DNAH3: variants seen among roughly 807,000 people sequenced by gnomAD.
The protein encoded by DNAH3 is axonemal beta dynein heavy chain 3.
Under a neutral mutation model 432.5 loss-of-function variants are expected in DNAH3, and 332 were observed. The ratio of observed to expected loss-of-function variants is 0.77; its 90% CI spans 0.70 to 0.84. The LOEUF is 0.84. Among genes scored for constraint, DNAH3 ranks in the 40% least tolerant of loss-of-function variants. The pLI, the probability that DNAH3 is intolerant of heterozygous loss-of-function variation, is 0.00. For missense variants in DNAH3, 4,861 were observed against 5,114.0 expected, an observed-to-expected ratio of 0.95 and a Z score of 1.51; for synonymous variants, 1,956 against 1,900.2, an observed-to-expected ratio of 1.03 and a Z score of -0.76.
intron 40 of DNAH3, among the ~76,000 whole-genome samples, chr16:21,020,959 A>G (rs2088185829): frequency 6.6e-6 from 1 of 152,108 alleles, no homozygotes; most frequent in African/African-American, 2.4e-5. Flanking sequence ...TGGCTACTCT[A>G]TGTACATTAA....
intron 7 of DNAH3, among the ~76,000 whole-genome samples, chr16:21,132,848 T>C (rs2092585991): frequency 3.9e-5 from 6 of 152,158 alleles, no homozygotes; most frequent in Admixed American, 3.3e-4. Flanking sequence ...TATTAAAAAC[T>C]TGCATTGTGT....
chr16:20,935,277 T>G, intron 61 of DNAH3, 71 bp downstream of exon 61: 1 of 1,580,062 alleles, frequency 6.3e-7, no homozygotes, highest in East Asian at 2.2e-5. Flanking sequence ...ATTTTTTGAC[T>G]CATAAGGAAA....
rs780803247 is a variant in DNAH3, at chr16:21,051,902, G to A, written c.4040-34C>T. On this transcript the variant is annotated intron_variant, in intron 28 of 61. Transcript: ENST00000261383. ...ACACAGATGCAGAAACACGCACACA[G>A]AGCCATCAGAACTCTCCATCTTTGT... 1.1e-5 allele frequency: 17 copies of A among 1,588,160 alleles called. No individual in the cohort carries two copies. The African/African-American group carries it at 1.3e-4, about 13-fold the overall frequency.
chr16:21,145,582 G>T (rs1359419572), intron 2 of DNAH3, among the ~76,000 whole-genome samples, 176 bp from the exon 4 acceptor site: 1 of 152,210 alleles, frequency 6.6e-6, no homozygotes, highest in Non-Finnish European at 1.5e-5. Flanking sequence ...TCTGACCATT[G>T]TAAGCATGAA....
At chr16:21,063,467 A>C (rs940265560) in intron 24 of DNAH3, among the ~76,000 whole-genome samples, 6 of 148,950 alleles carry the variant, frequency 4.0e-5, no homozygotes, top group African/African-American at 1.5e-4. Context: ...CCTTTTATTT[A>C]TTTTATTTAT....
intron 7 of DNAH3, among the ~76,000 whole-genome samples, chr16:21,131,671 G>C (rs998269718): frequency 6.6e-6 from 1 of 151,728 alleles, no homozygotes; most frequent in East Asian, 1.9e-4. Context: ...CCAACATGGA[G>C]AAACCCTGTC....
rs371325962 is a variant in DNAH3, at chr16:21,093,926, G to C, written c.2665+3429C>G. Among the ~76,000 whole-genome samples, 17 of 152,174 alleles carry C rather than the reference G, an allele frequency of 1.1e-4. 2 individuals carry two copies. Among genetic ancestry groups the C allele is most frequent in the Admixed American group, 4.6e-4 (7 of 15,276 alleles). ...AAAATTAACTCAAAATGGACCATAG[G>C]TCTAAATGTAAAACATAAAACCACA... is the stretch of plus-strand genomic sequence containing the variant. On this transcript the variant is annotated intron_variant, in intron 18 of 61. Coordinates refer to ENST00000261383, the Ensembl canonical transcript of DNAH3.
chr16:21,127,842 G>A (rs2092473851), intron 7 of DNAH3, 30 bp from the exon 9 acceptor site: 18 of 1,613,044 alleles, frequency 1.1e-5, no homozygotes, highest in Non-Finnish European at 1.5e-5. Context: ...AATTTCCTAA[G>A]CTAAAGAACG....
At chr16:21,124,929 C>T (rs548590099) in intron 9 of DNAH3, among the ~76,000 whole-genome samples, 44 of 152,192 alleles carry the variant, frequency 2.9e-4, no homozygotes, top group Non-Finnish European at 4.3e-4. Flanking sequence ...AGATTACAGA[C>T]GTGGCCTGTA....
In DNAH3 at chr16:21,052,061, G is replaced by A. The variant is rs567303307; in HGVS notation, c.4040-193C>T. On this transcript the variant is annotated intron_variant, in intron 28 of 61. Coordinates refer to ENST00000261383, the Ensembl canonical transcript of DNAH3. ...TTCTGGAGTGCAATGGCGCGATCTC[G>A]GCTCATTGCAACCTCTGCCTCCTGG... 4.5e-4 allele frequency among the ~76,000 whole-genome samples: 69 copies of A among 152,054 alleles called. 1 individual carries two copies. The highest frequency in any genetic ancestry group is 6.8e-3 in the Middle Eastern group (2 of 294).
intron 29 of DNAH3, 78 bp from the exon 30 acceptor site, chr16:21,050,096 T>A: frequency 9.3e-7 from 1 of 1,077,644 alleles, no homozygotes; most frequent in Non-Finnish European, 1.4e-6. Flanking sequence ...TTATTTTGAC[T>A]CATACAAATA....
intron 41 of DNAH3, among the ~76,000 whole-genome samples, chr16:21,009,374 G>A (rs1379377089): frequency 6.6e-6 from 1 of 152,182 alleles, no homozygotes; most frequent in Non-Finnish European, 1.5e-5. Context: ...GACAAGCAAG[G>A]AAACGGATTT....
intron 44 of DNAH3, among the ~76,000 whole-genome samples, chr16:20,992,514 T>A (rs559197604): frequency 1.3e-5 from 2 of 152,070 alleles, no homozygotes; most frequent in African/African-American, 4.8e-5. Context: ...CCCGGCTAAT[T>A]TTTTTGTATT....
chr16:20,963,626 A>C, exon 53 of DNAH3: 1 of 1,614,030 alleles, frequency 6.2e-7, no homozygotes. Context: ...ATCTCTGCCC[A>C]TGCCTTCTCA....
chr16:20,975,397 C>A lies in DNAH3; in HGVS notation c.8095G>T (p.Glu2699Ter). ...AGTTGAGGTTGAAGAGCTGTCAGTTCTCTTTGCATAACCGCTACCTAGCAA... is the reference window on the plus strand; with the variant it reads ...AGTTGAGGTTGAAGAGCTGTCAGTTATCTTTGCATAACCGCTACCTAGCAA... Residue 2699 changes from glutamate (E) to a stop codon, truncating the protein, a stop_gained, in exon 51 of 62, where the codon GAA (glutamate) becomes TAA (stop). Transcript: ENST00000261383. LOFTEE classifies it high-confidence loss of function. The A allele has an allele frequency of 6.2e-7, 1 of 1,614,098 alleles. No homozygotes were observed. The highest frequency in any genetic ancestry group is 8.5e-7 in the Non-Finnish European group (1 of 1,180,014).
intron 15 of DNAH3, among the ~76,000 whole-genome samples, chr16:21,105,005 G>T (rs959404448): frequency 1.3e-5 from 2 of 152,100 alleles, no homozygotes; most frequent in Non-Finnish European, 2.9e-5. Flanking sequence ...TCTGCATGTC[G>T]GTTTCCCTTT....
intron 11 of DNAH3, chr16:21,120,694 T>C: frequency 7.0e-7 from 1 of 1,427,558 alleles, no homozygotes; most frequent in South Asian, 1.1e-5. Context: ...ACAAACCATG[T>C]CTTCTTGGCA....
At chr16:21,114,919 G>A (rs1265270768) in intron 12 of DNAH3, among the ~76,000 whole-genome samples, 3 of 152,136 alleles carry the variant, frequency 2.0e-5, no homozygotes, top group African/African-American at 7.2e-5. Context: ...TATAAATCAT[G>A]CCGCTATAAA....
intron 16 of DNAH3, among the ~76,000 whole-genome samples, chr16:21,103,567 C>T (rs2091886852): frequency 6.6e-6 from 1 of 152,162 alleles, no homozygotes; most frequent in Non-Finnish European, 1.5e-5. Flanking sequence ...CACACACACA[C>T]AAATGTTTTG....
Sources: allele counts gnomAD v4.1 joint callset (sites outside exome capture counted in the v4.1 genomes callset), GRCh38; gene constraint gnomAD v4.1.1; transcripts MANE v1.5; gene names NCBI Gene and HGNC (gene_info 2026-07-23, HGNC 2026-07-21).